The following NPFFR2 variants were observed in gnomAD, a reference collection of about 807,000 sequenced individuals.
NPFFR2 encodes neuropeptide FF receptor 2.
In NPFFR2, 15 loss-of-function variants were observed where a neutral mutation model predicts 13.1. The observed-to-expected ratio is 1.15, with a 90% CI of 0.77 to 1.76. NPFFR2 has a LOEUF of 1.76. Among genes scored for constraint, NPFFR2 ranks in the 40% most tolerant of loss-of-function variants. NPFFR2 has a pLI of 0.00. For missense variants in NPFFR2, 572 were observed against 503.5 expected (o/e 1.14, Z -1.30); for synonymous variants, 190 against 175.7 (o/e 1.08, Z -0.65).
At chr4:72,094,116 C>T (rs1720988057) in intron 1 of NPFFR2, among the ~76,000 whole-genome samples, 1 of 152,094 alleles carries the variant, frequency 6.6e-6, no homozygotes, top group South Asian at 2.1e-4. Flanking sequence ...TGGATCTAGC[C>T]ACTCAGCTGA....
chr4:72,064,523 T>C (rs575602543), intron 1 of NPFFR2, among the ~76,000 whole-genome samples: 1 of 152,216 alleles, frequency 6.6e-6, no homozygotes, highest in Admixed American at 6.5e-5. Flanking sequence ...CTGTCACTTT[T>C]GCCATATTAT....
chr4:72,089,643 C>T (rs1483282645), intron 1 of NPFFR2, among the ~76,000 whole-genome samples: 2 of 152,034 alleles, frequency 1.3e-5, no homozygotes, highest in Non-Finnish European at 2.9e-5. Context: ...GTTGTCTATT[C>T]ATGTCCTTAG....
At chr4:72,082,699 A>G (rs745462266) in intron 1 of NPFFR2, among the ~76,000 whole-genome samples, 4 of 152,120 alleles carry the variant, frequency 2.6e-5, no homozygotes, top group Admixed American at 6.6e-5. Context: ...ATTCTTAAGT[A>G]TACGCTACAT....
At chr4:72,040,339 A>T (rs992046625) in intron 1 of NPFFR2, among the ~76,000 whole-genome samples, 1 of 152,170 alleles carries the variant, frequency 6.6e-6, no homozygotes, top group African/African-American at 2.4e-5. Flanking sequence ...CATGCCATAA[A>T]TAGTGAGCCA....
At chr4:72,144,589 C>T (rs1161274748) in intron 3 of NPFFR2, among the ~76,000 whole-genome samples, 1 of 152,076 alleles carries the variant, frequency 6.6e-6, no homozygotes, top group Non-Finnish European at 1.5e-5. Context: ...TTTACAGTTA[C>T]GTTCCAAAGC....
chr4:72,063,373 G>A lies in NPFFR2; in HGVS notation c.-8+31173G>A, dbSNP rs138922568. Among the ~76,000 whole-genome samples the A allele has an allele frequency of 6.0e-3, 906 of 152,240 alleles. 7 individuals carry two copies. The highest frequency in any genetic ancestry group is 0.02 in the African/African-American group (834 of 41,550). ...CATTCTACACTAACTTGCTGCCTAC[G>A]TCGAAGCAAACAAGGTAATTTGAAT... is the stretch of plus-strand genomic sequence containing the variant. On this transcript the variant is annotated intron_variant, in intron 1 of 3. Coordinates refer to ENST00000308744, the MANE Select transcript of NPFFR2 (RefSeq NM_004885.3).
At chr4:72,112,815 G>T (rs1721605165) in intron 1 of NPFFR2, among the ~76,000 whole-genome samples, 1 of 151,882 alleles carries the variant, frequency 6.6e-6, no homozygotes. Context: ...TCTCACAGGG[G>T]AGGGGATAGG....
At chr4:72,032,247 G>C in intron 1 of NPFFR2, 47 bp downstream of exon 1, 2 of 1,535,256 alleles carry the variant, frequency 1.3e-6, no homozygotes, top group East Asian at 2.3e-5. Flanking sequence ...TTGGGGGCGC[G>C]ACCCCTCTCT....
rs7681079 is a variant in NPFFR2 at position 72,140,919 on chromosome 4, A to G, written c.428+2780A>G. ...GACTTTTTTTGGTTGGTAAGCTATT[A>G]ATTATTGCCTCAATTTCAGAGCCTG... On this transcript the variant is annotated intron_variant, in intron 3 of 3. Transcript: ENST00000308744. Among the ~76,000 whole-genome samples, 201 of 152,028 alleles carry G rather than the reference A, an allele frequency of 1.3e-3. 1 individual carries two copies. Among genetic ancestry groups the G allele is most frequent in the African/African-American group, 4.7e-3 (195 of 41,462 alleles).
intron 1 of NPFFR2, among the ~76,000 whole-genome samples, chr4:72,051,499 G>A (rs1719580290): frequency 6.6e-6 from 1 of 151,194 alleles, no homozygotes; most frequent in African/African-American, 2.4e-5. Flanking sequence ...AAAGCAGTGT[G>A]TAGAGGGAAA....
At chr4:72,069,070 C>G (rs996783025) in intron 1 of NPFFR2, 2 of 616,816 alleles carry the variant, frequency 3.2e-6, no homozygotes, top group Non-Finnish European at 5.2e-6. Flanking sequence ...GAGATAATAC[C>G]AACACTACTT....
chr4:72,034,715 G>T (rs1032284630), intron 1 of NPFFR2, among the ~76,000 whole-genome samples: 2 of 152,018 alleles, frequency 1.3e-5, no homozygotes, highest in Non-Finnish European at 2.9e-5. Context: ...TTGATTTTAA[G>T]TTCCAGCTTT....
chr4:72,125,961 C>A (rs1248160064), intron 1 of NPFFR2, among the ~76,000 whole-genome samples: 2 of 152,116 alleles, frequency 1.3e-5, no homozygotes, highest in Non-Finnish European at 2.9e-5. Flanking sequence ...AATTTTATAG[C>A]TAAGGACAAT....
chr4:72,085,487 ACTT>A (rs1195036684), intron 1 of NPFFR2, among the ~76,000 whole-genome samples: 4 of 152,172 alleles, frequency 2.6e-5, no homozygotes, highest in South Asian at 2.1e-4. Context: ...GCCTTAATCT[ACTT>A]CTTCTTTTGT....
chr4:72,045,880 G>A (rs1719364572), intron 1 of NPFFR2, among the ~76,000 whole-genome samples: 1 of 152,116 alleles, frequency 6.6e-6, no homozygotes, highest in Non-Finnish European at 1.5e-5. Context: ...TATTGATGGT[G>A]CGGAGTAATG....
At chr4:72,074,325 A>G (rs926520340) in intron 1 of NPFFR2, among the ~76,000 whole-genome samples, 4 of 152,040 alleles carry the variant, frequency 2.6e-5, no homozygotes, top group African/African-American at 9.7e-5. Context: ...ATCTCATCAC[A>G]TAGGGATTTT....
chr4:72,074,601 G>A (rs913820710), intron 1 of NPFFR2, among the ~76,000 whole-genome samples: 3 of 151,936 alleles, frequency 2.0e-5, no homozygotes, highest in South Asian at 2.1e-4. Context: ...GTCTGGGAGC[G>A]TATCCCCTAT....
intron 2 of NPFFR2, among the ~76,000 whole-genome samples, chr4:72,136,288 C>T (rs1171848407): frequency 4.6e-5 from 7 of 151,994 alleles, no homozygotes. Flanking sequence ...AGCCTGGGGA[C>T]ACAGTGGTGG....
rs747173124 is a variant in NPFFR2, at chr4:72,032,181, G to T, written c.-27G>T. The T allele has an allele frequency of 6.2e-7, 1 of 1,610,570 alleles. No homozygotes were observed. Among genetic ancestry groups the T allele is most frequent in the Admixed American group, 1.7e-5 (1 of 59,826 alleles). Reference sequence around the variant, plus strand: ...TTGGTGGATTCTGGTTCCTGCCGCCGACAGGGCTCGCCGGGAGAGGTAACA... The same window carrying T: ...TTGGTGGATTCTGGTTCCTGCCGCCTACAGGGCTCGCCGGGAGAGGTAACA... On this transcript the variant is annotated 5_prime_UTR_variant, in exon 1 of 4. Coordinates refer to ENST00000308744, the MANE Select transcript of NPFFR2 (RefSeq NM_004885.3).
Sources: gnomAD v4.1 joint callset for allele counts (sites outside exome capture counted in the v4.1 genomes callset) on GRCh38, gnomAD v4.1.1 for gene constraint, MANE v1.5 for transcripts, NCBI Gene and HGNC (gene_info 2026-07-23, HGNC 2026-07-21) for gene names.